KCTD9: variants seen among roughly 807,000 people sequenced by gnomAD.
The protein encoded by KCTD9 is BTB/POZ domain-containing protein KCTD9.
KCTD9 carries 17 observed loss-of-function variants against 53.3 expected under a neutral mutation model. That is an observed-to-expected ratio of 0.32 (90% CI 0.22 to 0.48). KCTD9 has a LOEUF of 0.48. KCTD9 is among the 20% of genes least tolerant of loss of function. The pLI is 0.99. For missense variants in KCTD9, 179 were observed against 465.5 expected (o/e 0.38, Z 5.66); for synonymous variants, 128 against 162.7 (o/e 0.79, Z 1.62).
intron 6 of KCTD9, among the ~76,000 whole-genome samples, chr8:25,438,940 T>G (rs1802068584): frequency 6.6e-6 from 1 of 152,228 alleles, no homozygotes; most frequent in African/African-American, 2.4e-5. Context: ...CAAGTTACAT[T>G]CTTAATTCAA....
intron 1 of KCTD9, among the ~76,000 whole-genome samples, chr8:25,448,136 GAAAAAGA>G (rs1194510416): frequency 4.0e-5 from 6 of 151,382 alleles, no homozygotes; most frequent in Non-Finnish European, 8.8e-5. Flanking sequence ...AAAAGGAAAG[GAAAAAGA>G]AAAGAGAAAA....
intron 1 of KCTD9, among the ~76,000 whole-genome samples, chr8:25,451,297 C>A (rs1214672983): frequency 6.6e-6 from 1 of 151,438 alleles, no homozygotes; most frequent in Non-Finnish European, 1.5e-5. Context: ...GAGAAAGTTG[C>A]AAACAGACTG....
At chr8:25,439,846 G>A in intron 4 of KCTD9, 182 bp from the exon 5 acceptor site, 1 of 1,254,268 alleles carries the variant, frequency 8.0e-7, no homozygotes, top group East Asian at 2.7e-5. Context: ...CTTCTAATAG[G>A]GTACTTCCTT....
intron 1 of KCTD9, among the ~76,000 whole-genome samples, chr8:25,447,182 C>T (rs2063066): frequency 0.4 from 61,346 of 151,938 alleles, 12,779 homozygotes; most frequent in African/African-American, 0.51. Flanking sequence ...GCACTTAAGG[C>T]CTGGAGTTTG....
intron 5 of KCTD9, 93 bp downstream of exon 5, chr8:25,439,512 AC>A: frequency 6.4e-7 from 1 of 1,556,644 alleles, no homozygotes; most frequent in Non-Finnish European, 8.7e-7. Context: ...TTAAAAACTG[AC>A]ATAATTAGTA....
chr8:25,455,829 T>C (rs1400973914), intron 1 of KCTD9, among the ~76,000 whole-genome samples: 2 of 152,244 alleles, frequency 1.3e-5, no homozygotes, highest in African/African-American at 4.8e-5. Flanking sequence ...GTTCAGTGAC[T>C]GGAGGCACCT....
At position 25,458,340 on chromosome 8, in the gene KCTD9, C is replaced by A; in HGVS notation, c.-94G>T. 1 of 1,438,332 alleles carries A rather than the reference C, an allele frequency of 7.0e-7. No individual in the cohort carries two copies. The highest frequency in any genetic ancestry group is 9.7e-7 in the Non-Finnish European group (1 of 1,032,646). 89.1% of individuals were successfully genotyped at this position (1,438,332 alleles called of 1,614,324 possible). On this transcript the variant is annotated 5_prime_UTR_variant, in exon 1 of 12. Transcript: ENST00000221200. ...CCTCCCGCCCTTCCCCTCCCTCCAC[C>A]CACTCGGATTCGCCTCCCTTCGCCA...
intron 10 of KCTD9, 23 bp downstream of exon 10, chr8:25,433,307 G>C: frequency 1.6e-6 from 2 of 1,286,944 alleles, no homozygotes; most frequent in South Asian, 1.2e-5. Context: ...TCGTAGAATA[G>C]GTATTTACAG....
At position 25,458,307 on chromosome 8, in the gene KCTD9, CT is replaced by C. The variant is rs1308905678; in HGVS notation, c.-62del. On this transcript the variant is annotated 5_prime_UTR_variant, in exon 1 of 12. Transcript: ENST00000221200. ...CCCTCCCACCTGGTCCTCCTCCCAC[CT>C]TTTTCTCCTCCCGCCCTTCCCCTCC... 3.6e-5 allele frequency: 57 copies of C among 1,586,290 alleles called. No homozygotes were observed. In the Admixed American group the frequency reaches 8.9e-4, roughly 25 times the overall value.
At chr8:25,439,774 C>T (rs1563246806) in intron 4 of KCTD9, 110 bp from the exon 5 acceptor site, 2 of 1,567,272 alleles carry the variant, frequency 1.3e-6, no homozygotes, top group African/African-American at 2.7e-5. Context: ...ATGCATGCTA[C>T]AACCTGGTAG....
intron 1 of KCTD9, among the ~76,000 whole-genome samples, chr8:25,448,178 A>T (rs967459650): frequency 6.6e-6 from 1 of 151,510 alleles, no homozygotes; most frequent in East Asian, 1.9e-4. Context: ...AGAATAAAGA[A>T]AAAGGAAAGG....
intron 1 of KCTD9, among the ~76,000 whole-genome samples, chr8:25,449,209 A>G (rs7829415): frequency 0.42 from 63,357 of 152,090 alleles, 13,824 homozygotes; most frequent in African/African-American, 0.56. Flanking sequence ...TGCTGTGAAA[A>G]GAGGGTAAGA....
chr8:25,446,272 A>G, intron 1 of KCTD9, 22 bp from the exon 2 acceptor site: 1 of 1,611,920 alleles, frequency 6.2e-7, no homozygotes, highest in Non-Finnish European at 8.5e-7. Flanking sequence ...CCAGAATAAT[A>G]TGAACAATTT....
chr8:25,443,647 T>C (rs995473817), intron 3 of KCTD9, among the ~76,000 whole-genome samples: 1 of 152,192 alleles, frequency 6.6e-6, no homozygotes, highest in Non-Finnish European at 1.5e-5. Flanking sequence ...AAGTTGACAA[T>C]TGCCTGTGCA....
At chr8:25,454,750 G>A (rs1268418182) in intron 1 of KCTD9, among the ~76,000 whole-genome samples, 2 of 151,968 alleles carry the variant, frequency 1.3e-5, no homozygotes, top group Non-Finnish European at 2.9e-5. Context: ...CATACTTTTG[G>A]GCATGTACTC....
chr8:25,439,798 A>T (rs1802084280), intron 4 of KCTD9, 134 bp from the exon 5 acceptor site: 6 of 1,492,178 alleles, frequency 4.0e-6, no homozygotes, highest in Non-Finnish European at 5.3e-6. Flanking sequence ...TAACGCTGGG[A>T]AACAAAAACG....
At position 25,458,278 on chromosome 8, in the gene KCTD9, G is replaced by C. The variant is rs756048526; in HGVS notation, c.-32C>G. 1 of 1,606,380 alleles carries C rather than the reference G, an allele frequency of 6.2e-7. No individual in the cohort carries two copies. Among genetic ancestry groups the C allele is most frequent in the Non-Finnish European group, 8.5e-7 (1 of 1,177,128 alleles). On this transcript the variant is annotated 5_prime_UTR_variant, in exon 1 of 12. Transcript: ENST00000221200. ...GCCCCCGCTGGGTCCTGAGTGAGCC[G>C]CCACCCTCCCACCTGGTCCTCCTCC... is the stretch of plus-strand genomic sequence containing the variant.
At chr8:25,456,052 T>A (rs1184715991) in intron 1 of KCTD9, among the ~76,000 whole-genome samples, 6 of 152,170 alleles carry the variant, frequency 3.9e-5, no homozygotes, top group Non-Finnish European at 8.8e-5. Context: ...ATTCATTCAA[T>A]ACACAGACAA....
intron 1 of KCTD9, among the ~76,000 whole-genome samples, chr8:25,454,436 CTG>C (rs1802392001): frequency 8.2e-6 from 1 of 122,430 alleles, no homozygotes; most frequent in Non-Finnish European, 1.8e-5. Flanking sequence ...AAAAAGCACT[CTG>C]TGTTCAAGAC....
Sources: allele counts gnomAD v4.1 joint callset (sites outside exome capture counted in the v4.1 genomes callset), GRCh38; gene constraint gnomAD v4.1.1; transcripts MANE v1.5; gene names NCBI Gene and HGNC (gene_info 2026-07-23, HGNC 2026-07-21).